The following MAP4K4 variants were observed in gnomAD, a reference collection of about 807,000 sequenced individuals.
MAP4K4 encodes the protein HPK/GCK-like kinase HGK.
A neutral mutation model predicts 189.6 loss-of-function variants in MAP4K4; 38 were observed. The ratio of observed to expected loss-of-function variants is 0.20; its 90% CI spans 0.15 to 0.26. MAP4K4 has a LOEUF of 0.26. MAP4K4 is among the 10% of genes least tolerant of loss of function. MAP4K4 has a pLI of 1.00. For synonymous variants in MAP4K4, 610 were observed against 624.3 expected, an observed-to-expected ratio of 0.98 and a Z score of 0.34; for missense variants, 1,054 against 1,726.9, an observed-to-expected ratio of 0.61 and a Z score of 6.91.
At chr2:101,882,294 G>A (rs1411245352) in intron 27 of MAP4K4, among the ~76,000 whole-genome samples, 1 of 152,178 alleles carries the variant, frequency 6.6e-6, no homozygotes, top group Non-Finnish European at 1.5e-5. Context: ...CTTTTCCAAA[G>A]TTCCAGTTAT....
At chr2:101,854,988 G>C (rs2097402415) in intron 12 of MAP4K4, among the ~76,000 whole-genome samples, 1 of 152,188 alleles carries the variant, frequency 6.6e-6, no homozygotes, top group Admixed American at 6.5e-5. Flanking sequence ...CACGTGACTA[G>C]TGACTACGGA....
intron 2 of MAP4K4, among the ~76,000 whole-genome samples, chr2:101,754,619 G>C (rs2071286437): frequency 6.6e-6 from 1 of 152,162 alleles, no homozygotes; most frequent in South Asian, 2.1e-4. Flanking sequence ...CTCCCAAAGT[G>C]CTGGGATTAC....
intron 3 of MAP4K4, among the ~76,000 whole-genome samples, chr2:101,814,294 C>G (rs765163687): frequency 3.3e-5 from 5 of 152,140 alleles, no homozygotes; most frequent in Non-Finnish European, 7.4e-5. Context: ...TACCTTGATT[C>G]TATTTTCTAT....
chr2:101,835,371 C>T (rs1233069911), intron 8 of MAP4K4, among the ~76,000 whole-genome samples: 1 of 152,160 alleles, frequency 6.6e-6, no homozygotes, highest in African/African-American at 2.4e-5. Context: ...CCTAACACAC[C>T]TTTATTGGGT....
intron 2 of MAP4K4, among the ~76,000 whole-genome samples, chr2:101,788,759 T>C (rs1055455335): frequency 2.6e-5 from 4 of 152,212 alleles, no homozygotes; most frequent in Non-Finnish European, 5.9e-5. Flanking sequence ...TTTATGCCAC[T>C]TTCTGACTAA....
intron 21 of MAP4K4, 76 bp from the exon 22 acceptor site, chr2:101,869,546 T>C: frequency 8.5e-7 from 1 of 1,180,774 alleles, no homozygotes; most frequent in Non-Finnish European, 1.2e-6. Flanking sequence ...TGGCAATTTA[T>C]GGTTAAAGAA....
intron 2 of MAP4K4, among the ~76,000 whole-genome samples, chr2:101,760,258 A>G (rs1183475923): frequency 2.0e-5 from 3 of 152,008 alleles, no homozygotes; most frequent in Non-Finnish European, 2.9e-5. Context: ...TAGGAGGCCA[A>G]GGCAGGAGGA....
intron 15 of MAP4K4, 130 bp from the exon 16 acceptor site, chr2:101,860,695 C>T: frequency 1.4e-6 from 1 of 702,508 alleles, no homozygotes; most frequent in Non-Finnish European, 2.3e-6. Context: ...TTCCAGCTAC[C>T]CCTCTCTTTT....
rs756820033 is a variant in MAP4K4 at position 101,859,626 on chromosome 2, T to C, written c.1483-17T>C. On this transcript the variant is annotated splice_polypyrimidine_tract_variant and intron_variant, in intron 14 of 32. Transcript: ENST00000324219. ...CCAGTGTCCCATAGATTTAGTGTTA[T>C]CCTCTCCCTCTCCAAGGAGTGCCGA... 5.1e-6 allele frequency: 8 copies of C among 1,573,140 alleles called. No individual in the cohort carries two copies. The highest frequency in any genetic ancestry group is 1.7e-4 in the Middle Eastern group (1 of 5,930).
intron 12 of MAP4K4, among the ~76,000 whole-genome samples, chr2:101,852,295 T>G (rs534322163): frequency 6.6e-6 from 1 of 152,300 alleles, no homozygotes; most frequent in East Asian, 1.9e-4. Flanking sequence ...GAGTCTGTCA[T>G]CACTCTAAAT....
chr2:101,770,521 C>T (rs1295678095), intron 2 of MAP4K4, among the ~76,000 whole-genome samples: 1 of 152,192 alleles, frequency 6.6e-6, no homozygotes, highest in African/African-American at 2.4e-5. Context: ...AGGTGATCCA[C>T]CCACATCGGC....
intron 3 of MAP4K4, among the ~76,000 whole-genome samples, chr2:101,804,608 T>C (rs1255476260): frequency 6.6e-6 from 1 of 152,216 alleles, no homozygotes; most frequent in Non-Finnish European, 1.5e-5. Context: ...GTTTCTTTTA[T>C]GTCTAGACAT....
chr2:101,886,974 G>A lies in MAP4K4; in HGVS notation c.3622-114G>A, dbSNP rs891714266. ...TGGGAGGCGGAGCTTGCAGTGAGCC[G>A]AGATGGCGCCACTGCACTCCAGCCT... On this transcript the variant is annotated intron_variant, in intron 29 of 32. Transcript: ENST00000324219. 5 of 710,758 alleles carry A rather than the reference G, an allele frequency of 7.0e-6. 1 individual carries two copies. Among genetic ancestry groups the A allele is most frequent in the South Asian group, 6.2e-5 (3 of 48,270 alleles). The allele number at this position is 710,758 out of a possible 1,614,324, so 44.0% of individuals were successfully genotyped here. A position where few individuals can be genotyped will look rare whatever the true frequency, so the allele number is the denominator to read the frequency against.
chr2:101,778,367 G>A (rs1167213515), intron 2 of MAP4K4, among the ~76,000 whole-genome samples: 1 of 152,172 alleles, frequency 6.6e-6, no homozygotes, highest in Non-Finnish European at 1.5e-5. Context: ...AGGCAGTTGT[G>A]AAATCGCTTT....
chr2:101,805,256 A>G (rs2094817177), intron 3 of MAP4K4, among the ~76,000 whole-genome samples: 2 of 152,152 alleles, frequency 1.3e-5, no homozygotes, highest in South Asian at 2.1e-4. Flanking sequence ...GTGCCCTGAT[A>G]TGCCTCTTGC....
In MAP4K4 at chr2:101,768,863, T is replaced by C. The variant is rs550747698; in HGVS notation, c.124-21857T>C. 1.8e-4 allele frequency among the ~76,000 whole-genome samples: 27 copies of C among 152,330 alleles called. No homozygotes were observed. The South Asian group carries it at 4.6e-3, about 26-fold the overall frequency. ...GCAGAAGGCACAAATGCCTTTTATT[T>C]GCTCCGTGGTGAAAAGCTTCCAGTT... On this transcript the variant is annotated intron_variant, in intron 2 of 32. Coordinates refer to ENST00000324219, the Ensembl canonical transcript of MAP4K4.
At chr2:101,816,113 C>G (rs564585649) in intron 3 of MAP4K4, among the ~76,000 whole-genome samples, 4 of 152,292 alleles carry the variant, frequency 2.6e-5, no homozygotes. Context: ...TGGAGTCTTT[C>G]TCAGGGCAGT....
chr2:101,864,045 TC>T lies in MAP4K4; in HGVS notation c.2093del (p.Pro698GlnfsTer5). The T allele has an allele frequency of 7.4e-7, 1 of 1,359,908 alleles. No individual in the cohort carries two copies. Among genetic ancestry groups the T allele is most frequent in the Non-Finnish European group, 9.8e-7 (1 of 1,015,410 alleles). The allele number at this position is 1,359,908 out of a possible 1,614,324, so 84.2% of individuals were successfully genotyped here. ...CTAGATCAGACAGTGACGAGGTGCCTCCAAGGGTAAGGAGCAGAAAGACAGA... is the reference window on the plus strand; with the variant it reads ...CTAGATCAGACAGTGACGAGGTGCCTCAAGGGTAAGGAGCAGAAAGACAGA... On this transcript the variant is annotated frameshift_variant, in exon 17 of 33. Transcript: ENST00000324219. LOFTEE classifies it high-confidence loss of function.
At chr2:101,871,048 G>T (rs2097995548) in intron 23 of MAP4K4, among the ~76,000 whole-genome samples, 1 of 152,114 alleles carries the variant, frequency 6.6e-6, no homozygotes, top group South Asian at 2.1e-4. Context: ...CATTTAAATA[G>T]AACAGGGCAC....
Sources: allele counts gnomAD v4.1 joint callset (sites outside exome capture counted in the v4.1 genomes callset), GRCh38; gene constraint gnomAD v4.1.1; transcripts MANE v1.5; gene names NCBI Gene and HGNC (gene_info 2026-07-23, HGNC 2026-07-21).